The following ADAMTS20 variants were observed in gnomAD, a reference collection of about 807,000 sequenced individuals.
The protein encoded by ADAMTS20 is ADAM metallopeptidase with thrombospondin type 1 motif 20.
Under a neutral mutation model 260.1 loss-of-function variants are expected in ADAMTS20, and 225 were observed. That is an observed-to-expected ratio of 0.87 (90% CI 0.78 to 0.97). The LOEUF (loss-of-function observed/expected upper bound fraction) is 0.97, where lower values mean the gene tolerates loss of function less well. Ranked by LOEUF, ADAMTS20 falls within the 50% of genes least tolerant of loss-of-function variation. ADAMTS20 has a pLI of 0.00. For synonymous variants in ADAMTS20, 802 were observed against 769.5 expected (o/e 1.04, Z -0.70); for missense variants, 2,400 against 2,337.7 (o/e 1.03, Z -0.55).
Position 43,354,212 on chromosome 12 carries a change from T to A in ADAMTS20, c.5730A>T (p.Ile1910=). The change falls in exon 39 of 39, where the codon ATA becomes ATT. Residue 1910 remains isoleucine (I), a synonymous_variant. Coordinates refer to ENST00000389420, the MANE Select transcript of ADAMTS20 (RefSeq NM_025003.5). ...CATACTTCCCCCTTCTAAATGTTCA[T>A]ATGACTTGAATTGGGAGACCAGTAG... is the stretch of plus-strand genomic sequence containing the variant. The part of the protein sequence containing the change: ...HMTTGLPIQV[I] The A allele has an allele frequency of 1.3e-6, 2 of 1,578,636 alleles. No homozygotes were observed. Among genetic ancestry groups the A allele is most frequent in the East Asian group, 4.5e-5 (2 of 43,994 alleles).
At chr12:43,409,304 T>C (rs1435244855) in intron 28 of ADAMTS20, among the ~76,000 whole-genome samples, 2 of 151,650 alleles carry the variant, frequency 1.3e-5, no homozygotes, top group East Asian at 1.9e-4. Context: ...AATAGGAAGA[T>C]AAAAACAAGA....
intron 3 of ADAMTS20, among the ~76,000 whole-genome samples, chr12:43,521,356 T>C (rs1943069530): frequency 6.6e-6 from 1 of 152,204 alleles, no homozygotes; most frequent in African/African-American, 2.4e-5. Context: ...AAATAATCTG[T>C]ACATAATTTT....
At chr12:43,384,127 T>C in intron 29 of ADAMTS20, 150 bp from the exon 30 acceptor site, 1 of 818,306 alleles carries the variant, frequency 1.2e-6, no homozygotes, top group South Asian at 2.4e-5. Flanking sequence ...ATAAGTATTT[T>C]TACCATTATC....
rs2137222932 is a variant in ADAMTS20, at chr12:43,381,792, A to G, written c.4797+1766T>C. Among the ~76,000 whole-genome samples the G allele has an allele frequency of 1.3e-5, 2 of 151,116 alleles. 1 individual carries two copies. The highest frequency in any genetic ancestry group is 1.3e-4 in the Admixed American group (2 of 15,176). ...CAAGACTGCATCTCAAAAAAAAAAA[A>G]AAAAAAAAAAAAGATGGGCAGAAGA... On this transcript the variant is annotated intron_variant, in intron 31 of 38. Coordinates refer to ENST00000389420, the MANE Select transcript of ADAMTS20 (RefSeq NM_025003.5).
rs566652461 is a variant in ADAMTS20 at position 43,517,872 on chromosome 12, A to G, written c.613+14164T>C. ...TGTCCAAAACAGATCTACAATATAG[A>G]TACTTCTTGAATAAATGTTATATAT... On this transcript the variant is annotated intron_variant, in intron 3 of 38. Coordinates refer to ENST00000389420, the MANE Select transcript of ADAMTS20 (RefSeq NM_025003.5). Among the ~76,000 whole-genome samples the G allele has an allele frequency of 1.3e-4, 20 of 152,218 alleles. No individual in the cohort carries two copies. The South Asian group carries it at 4.1e-3, about 32-fold the overall frequency.
chr12:43,389,260 C>G (rs1592043087), intron 29 of ADAMTS20, among the ~76,000 whole-genome samples: 1 of 152,192 alleles, frequency 6.6e-6, no homozygotes, highest in East Asian at 1.9e-4. Context: ...GCAAATATCT[C>G]TTCAGCTGTG....
intron 29 of ADAMTS20, among the ~76,000 whole-genome samples, chr12:43,395,734 G>A (rs899880505): frequency 3.5e-5 from 5 of 141,064 alleles, no homozygotes; most frequent in African/African-American, 1.3e-4. Context: ...ATATGAGACT[G>A]GAGAACACAC....
intron 3 of ADAMTS20, among the ~76,000 whole-genome samples, chr12:43,514,475 C>T (rs997335046): frequency 3.5e-5 from 5 of 140,994 alleles, no homozygotes; most frequent in African/African-American, 1.4e-4. Context: ...GGCAGGAGAA[C>T]AGCTTGAACC....
chr12:43,444,892 A>T (rs990380442), intron 15 of ADAMTS20, among the ~76,000 whole-genome samples: 1 of 152,186 alleles, frequency 6.6e-6, no homozygotes, highest in Non-Finnish European at 1.5e-5. Context: ...GAGCAGACTT[A>T]TTTATATCTA....
intron 36 of ADAMTS20, among the ~76,000 whole-genome samples, chr12:43,371,869 G>A (rs1261811009): frequency 2.0e-5 from 3 of 152,218 alleles, no homozygotes; most frequent in African/African-American, 7.2e-5. Context: ...TCACCTGACA[G>A]AAGTTGATGA....
chr12:43,495,513 T>C (rs1942665044), intron 4 of ADAMTS20, among the ~76,000 whole-genome samples: 1 of 152,202 alleles, frequency 6.6e-6, no homozygotes, highest in Admixed American at 6.5e-5. Context: ...AAAGGCATAA[T>C]ACAGATATAG....
intron 7 of ADAMTS20, among the ~76,000 whole-genome samples, chr12:43,477,068 AAC>A (rs1224708231): frequency 2.0e-5 from 3 of 151,918 alleles, no homozygotes; most frequent in African/African-American, 7.2e-5. Flanking sequence ...AAAAAAAAAA[AAC>A]AATTACCTTA....
intron 38 of ADAMTS20, among the ~76,000 whole-genome samples, chr12:43,355,285 T>A (rs1939720800): frequency 6.6e-6 from 1 of 152,180 alleles, no homozygotes; most frequent in Non-Finnish European, 1.5e-5. Flanking sequence ...AAAAACTCTA[T>A]CTTCATTAAA....
At chr12:43,435,445 C>A (rs534366654) in intron 18 of ADAMTS20, among the ~76,000 whole-genome samples, 5 of 151,894 alleles carry the variant, frequency 3.3e-5, no homozygotes, top group African/African-American at 9.7e-5. Flanking sequence ...TCAAGACCAT[C>A]CTGGCTAACA....
In ADAMTS20 at chr12:43,429,735, G is replaced by A; in HGVS notation, c.3382-11C>T. On this transcript the variant is annotated splice_polypyrimidine_tract_variant and intron_variant, in intron 23 of 38. Coordinates refer to ENST00000389420, the MANE Select transcript of ADAMTS20 (RefSeq NM_025003.5). ...TGTAAGTACACAGCTCTGTTCAGAA[G>A]AAAAATGGTTCTCGTAAAACATTAA... is the stretch of plus-strand genomic sequence containing the variant. The A allele has an allele frequency of 6.6e-7, 1 of 1,510,866 alleles. No homozygotes were observed. Among genetic ancestry groups the A allele is most frequent in the Non-Finnish European group, 8.9e-7 (1 of 1,122,140 alleles). 93.6% of individuals were successfully genotyped at this position (1,510,866 alleles called of 1,614,324 possible). A position where few individuals can be genotyped will look rare whatever the true frequency, so the allele number is the denominator to read the frequency against.
chr12:43,482,081 G>C (rs760753656), intron 7 of ADAMTS20, among the ~76,000 whole-genome samples: 3 of 151,986 alleles, frequency 2.0e-5, no homozygotes, highest in Non-Finnish European at 4.4e-5. Context: ...TATATGAGAA[G>C]GAACGGCATC....
At chr12:43,492,454 A>C (rs1365190549) in intron 6 of ADAMTS20, 51 bp downstream of exon 6, 1 of 1,575,268 alleles carries the variant, frequency 6.3e-7, no homozygotes, top group African/African-American at 1.4e-5. Context: ...TCAGTCATGC[A>C]GGAGGGAAGA....
At chr12:43,445,765 T>G (rs1267725648) in intron 15 of ADAMTS20, among the ~76,000 whole-genome samples, 1 of 152,060 alleles carries the variant, frequency 6.6e-6, no homozygotes, top group African/African-American at 2.4e-5. Context: ...GGTGGAAAGA[T>G]TGCTGGAGCT....
intron 29 of ADAMTS20, among the ~76,000 whole-genome samples, chr12:43,388,535 C>T (rs55957831): frequency 0.013 from 1,920 of 152,298 alleles, 22 homozygotes; most frequent in Non-Finnish European, 0.02. Context: ...GGAAAACTGG[C>T]TGTGTAAACT....
Sources: allele counts gnomAD v4.1 joint callset (sites outside exome capture counted in the v4.1 genomes callset), GRCh38; gene constraint gnomAD v4.1.1; transcripts MANE v1.5; gene names NCBI Gene and HGNC (gene_info 2026-07-23, HGNC 2026-07-21).